Variants in LARGE1 observed in about 807,000 individuals in gnomAD.
The protein encoded by LARGE1 is xylosyl- and glucuronyltransferase LARGE1.
Under a neutral mutation model 87.6 loss-of-function variants are expected in LARGE1, and 43 were observed. That is an observed-to-expected ratio of 0.49 (90% CI 0.38 to 0.63). The LOEUF is 0.63. LARGE1 is among the 30% of genes least tolerant of loss of function. LARGE1 has a pLI of 0.00. For synonymous variants in LARGE1, 434 were observed against 394.6 expected (o/e 1.10, Z -1.18); for missense variants, 802 against 1,000.2 (o/e 0.80, Z 2.67).
chr22:33,319,463 T>C (rs1936504595), intron 10 of LARGE1, among the ~76,000 whole-genome samples: 1 of 152,140 alleles, frequency 6.6e-6, no homozygotes, highest in African/African-American at 2.4e-5. Context: ...TGACGCGATC[T>C]CAGCTCACTG....
chr22:33,161,252 C>T (rs1922014189), downstream of LARGE1, among the ~76,000 whole-genome samples: 1 of 152,194 alleles, frequency 6.6e-6, no homozygotes, highest in Admixed American at 6.5e-5. Context: ...CCTCCCACGA[C>T]CCATGGGGAT....
At chr22:33,327,833 A>G (rs1168233617) in intron 10 of LARGE1, among the ~76,000 whole-genome samples, 1 of 152,176 alleles carries the variant, frequency 6.6e-6, no homozygotes, top group Non-Finnish European at 1.5e-5. Context: ...ATGAGCCACT[A>G]TTCCCAGCTT....
chr22:33,337,905 G>C lies in LARGE1; in HGVS notation c.1132-104C>G, dbSNP rs1035118158. On this transcript the variant is annotated intron_variant, in intron 9 of 14. Transcript: ENST00000397394. Reference sequence around the variant, plus strand: ...CAGCACTGGGCTAAGCATTATTTGAGGGTCTGCTCATTCGCTCATTCAACA... The same window carrying C: ...CAGCACTGGGCTAAGCATTATTTGACGGTCTGCTCATTCGCTCATTCAACA... 6.3e-6 allele frequency: 8 copies of C among 1,276,478 alleles called. No homozygotes were observed. In the African/African-American group the frequency reaches 8.8e-5, roughly 14 times the overall value. 79.1% of individuals were successfully genotyped at this position (1,276,478 alleles called of 1,614,324 possible).
chr22:33,085,334 TAA>T, the LARGE1 span, among the ~76,000 whole-genome samples: 12 of 152,188 alleles, frequency 7.9e-5, no homozygotes. Context: ...GAAACAAACT[TAA>T]AAGTTTTCTA....
At chr22:33,367,737 T>C (rs9607035) in intron 9 of LARGE1, among the ~76,000 whole-genome samples, 23,571 of 152,182 alleles carry the variant, frequency 0.15, 2,288 homozygotes, top group South Asian at 0.34. Flanking sequence ...AACTCTAACG[T>C]TGTTTATATT....
intron 2 of LARGE1, among the ~76,000 whole-genome samples, chr22:33,688,468 C>T (rs893816068): frequency 1.3e-5 from 2 of 152,174 alleles, no homozygotes; most frequent in Non-Finnish European, 2.9e-5. Context: ...TCTCCTGCCT[C>T]AGTCTCCCGA....
chr22:33,359,539 G>C (rs919281235), intron 9 of LARGE1, among the ~76,000 whole-genome samples: 2 of 149,578 alleles, frequency 1.3e-5, no homozygotes, highest in South Asian at 4.3e-4. Context: ...CCCTTAGAAC[G>C]ACCCTGTATG....
intron 1 of LARGE1, among the ~76,000 whole-genome samples, chr22:33,809,762 T>C (rs929652356): frequency 6.6e-6 from 1 of 151,610 alleles, no homozygotes; most frequent in Non-Finnish European, 1.5e-5. Context: ...TATTTTATAG[T>C]TTTCCATACT....
rs534100604 is a variant in LARGE1, at chr22:33,687,559, G to A, written c.107-36891C>T. Among the ~76,000 whole-genome samples, 6 of 152,274 alleles carry A rather than the reference G, an allele frequency of 3.9e-5. 1 individual carries two copies. The South Asian group carries it at 1.0e-3, about 26-fold the overall frequency. ...CAGAGTAGGCACGAAGCAGACATTT[G>A]TTGAATGAGTGAAGGTTCCAGGAGG... is the stretch of plus-strand genomic sequence containing the variant. On this transcript the variant is annotated intron_variant, in intron 2 of 14. Transcript: ENST00000397394.
At chr22:33,715,885 C>T (rs1379476194) in intron 2 of LARGE1, among the ~76,000 whole-genome samples, 2 of 152,196 alleles carry the variant, frequency 1.3e-5, no homozygotes, top group South Asian at 4.1e-4. Context: ...AACGGCTTTC[C>T]TTTCACTGTT....
chr22:33,499,129 A>G (rs1312053692), intron 6 of LARGE1, among the ~76,000 whole-genome samples: 1 of 152,170 alleles, frequency 6.6e-6, no homozygotes, highest in Non-Finnish European at 1.5e-5. Flanking sequence ...TTTACCCACT[A>G]CCTTCCACAC....
chr22:33,119,256 T>C, the LARGE1 span, among the ~76,000 whole-genome samples: 2 of 152,232 alleles, frequency 1.3e-5, no homozygotes, highest in African/African-American at 4.8e-5. Context: ...CGTTATGACT[T>C]TGCAAATATT....
At chr22:33,915,430 G>GTT (rs3216429) in intron 1 of LARGE1, among the ~76,000 whole-genome samples, 2 of 148,414 alleles carry the variant, frequency 1.3e-5, no homozygotes, top group African/African-American at 5.0e-5. Context: ...TCACCTAAGT[G>GTT]TTTTTTTTTT....
At chr22:33,256,806 A>G (rs1927304577) in intron 11 of LARGE1, among the ~76,000 whole-genome samples, 1 of 152,220 alleles carries the variant, frequency 6.6e-6, no homozygotes, top group African/African-American at 2.4e-5. Context: ...ACAAGACTCA[A>G]AGAGTTTACA....
chr22:33,284,944 C>T (rs929841165), intron 12 of LARGE1, among the ~76,000 whole-genome samples: 1 of 152,196 alleles, frequency 6.6e-6, no homozygotes, highest in Non-Finnish European at 1.5e-5. Context: ...GACCTGCCAT[C>T]CTGGGAAAGC....
intron 1 of LARGE1, among the ~76,000 whole-genome samples, chr22:33,795,403 T>A (rs554771349): frequency 1.2e-4 from 19 of 152,186 alleles, no homozygotes; most frequent in Non-Finnish European, 2.4e-4. Context: ...CATTAACGGA[T>A]CTATGTATAA....
the LARGE1 span, among the ~76,000 whole-genome samples, chr22:33,144,967 A>G: frequency 6.6e-6 from 1 of 152,010 alleles, no homozygotes; most frequent in Non-Finnish European, 1.5e-5. Context: ...TTTCAAGCAG[A>G]ATGTATTCAA....
At chr22:33,786,098 A>G (rs1435551124) in intron 1 of LARGE1, among the ~76,000 whole-genome samples, 2 of 152,216 alleles carry the variant, frequency 1.3e-5, no homozygotes, top group African/African-American at 4.8e-5. Context: ...ATGCTTCTAA[A>G]TTACAAAAAT....
At chr22:33,470,770 G>A (rs1370272082) in intron 6 of LARGE1, among the ~76,000 whole-genome samples, 1 of 152,142 alleles carries the variant, frequency 6.6e-6, no homozygotes, top group African/African-American at 2.4e-5. Flanking sequence ...CACCATCTAA[G>A]GTTTCATTTA....
Sources: gnomAD v4.1 joint callset for allele counts (sites outside exome capture counted in the v4.1 genomes callset) on GRCh38, gnomAD v4.1.1 for gene constraint, MANE v1.5 for transcripts, NCBI Gene and HGNC (gene_info 2026-07-23, HGNC 2026-07-21) for gene names.